Variants in MAPRE2 observed in about 807,000 individuals in gnomAD.
MAPRE2 encodes microtubule associated protein RP/EB family member 2, also known as microtubule-associated protein RP/EB family member 2.
In MAPRE2, 13 loss-of-function variants were observed where a neutral mutation model predicts 43.2. That is an observed-to-expected ratio of 0.30 (90% confidence interval 0.20 to 0.48). MAPRE2 has a LOEUF of 0.48. Ranked by LOEUF, MAPRE2 falls within the 20% of genes least tolerant of loss-of-function variation. MAPRE2 has a pLI of 0.99. For synonymous variants in MAPRE2, 135 were observed against 148.8 expected (o/e 0.91, Z 0.68); for missense variants, 161 against 400.2 (o/e 0.40, Z 5.10).
intron 4 of MAPRE2, among the ~76,000 whole-genome samples, chr18:35,104,363 T>C (rs75469935): frequency 0.045 from 6,867 of 152,066 alleles, 330 homozygotes; most frequent in East Asian, 0.22. Context: ...TGGAGGAAAA[T>C]AAAAACATTT....
At chr18:35,094,926 C>T (rs1301799341) in intron 2 of MAPRE2, among the ~76,000 whole-genome samples, 2 of 152,118 alleles carry the variant, frequency 1.3e-5, no homozygotes, top group East Asian at 3.8e-4. Flanking sequence ...GGCCTTCATC[C>T]TTATTGTTGT....
At chr18:35,093,056 AC>A (rs1908228994) in intron 2 of MAPRE2, among the ~76,000 whole-genome samples, 1 of 151,946 alleles carries the variant, frequency 6.6e-6, no homozygotes. Context: ...TTCTACAAAT[AC>A]AAAAATTACC....
At chr18:35,130,253 T>C (rs888558473) in intron 5 of MAPRE2, among the ~76,000 whole-genome samples, 10 of 152,296 alleles carry the variant, frequency 6.6e-5, no homozygotes, top group African/African-American at 2.4e-4. Context: ...TTGGTTTGTT[T>C]TAAAGCAGGA....
At chr18:35,003,891 TA>T (rs2150579874) in intron 1 of MAPRE2, among the ~76,000 whole-genome samples, 2 of 152,330 alleles carry the variant, frequency 1.3e-5, no homozygotes, top group South Asian at 4.1e-4. Context: ...TTCGTAAAAT[TA>T]AATTCTGCTG....
chr18:35,023,831 A>C (rs2097043434), intron 2 of MAPRE2, among the ~76,000 whole-genome samples: 1 of 152,104 alleles, frequency 6.6e-6, no homozygotes, highest in South Asian at 2.1e-4. Context: ...GATAATTCTT[A>C]ATTTTTTTAT....
At position 35,143,147 on chromosome 18, in the gene MAPRE2, C is replaced by T. The variant is rs1910743876; in HGVS notation, c.*2778C>T. On this transcript the variant is annotated 3_prime_UTR_variant, in exon 7 of 7. Transcript: ENST00000300249. Reference sequence around the variant, plus strand: ...AAATTCCAGAAGGGAACCAAGAACTCTTCCCTTCCCTGGTGAGTATTTCCA... The same window carrying T: ...AAATTCCAGAAGGGAACCAAGAACTTTTCCCTTCCCTGGTGAGTATTTCCA... 6.6e-6 allele frequency: 1 copy of T among 151,212 alleles called. No homozygotes were observed. Among genetic ancestry groups the T allele is most frequent in the African/African-American group, 2.4e-5 (1 of 41,216 alleles). The allele number at this position is 151,212 out of a possible 1,614,324, so 9.4% of individuals were successfully genotyped here. A position where few individuals can be genotyped will look rare whatever the true frequency, so the allele number is the denominator to read the frequency against.
chr18:35,038,866 T>C (rs2097052034), upstream of MAPRE2, among the ~76,000 whole-genome samples: 1 of 152,178 alleles, frequency 6.6e-6, no homozygotes, highest in Admixed American at 6.5e-5. Flanking sequence ...CCCTTTATAG[T>C]AGTGTGGCTC....
At chr18:34,981,309 CAG>C (rs1428764185) in intron 1 of MAPRE2, among the ~76,000 whole-genome samples, 1 of 151,106 alleles carries the variant, frequency 6.6e-6, no homozygotes, top group Non-Finnish European at 1.5e-5. Context: ...GGGGAGGCAA[CAG>C]AAGTTGCAGT....
intron 1 of MAPRE2, among the ~76,000 whole-genome samples, chr18:34,998,812 C>T (rs943641794): frequency 1.6e-4 from 18 of 115,510 alleles, no homozygotes; most frequent in Admixed American, 1.4e-3. Flanking sequence ...GACAGAGTCT[C>T]ACTCCGGACT....
chr18:35,017,024 G>T (rs1487154166), intron 2 of MAPRE2, among the ~76,000 whole-genome samples: 2 of 152,002 alleles, frequency 1.3e-5, no homozygotes, highest in African/African-American at 4.8e-5. Context: ...CATATGGCTA[G>T]CTAGCTATCT....
chr18:35,005,518 A>T, exon 2 of MAPRE2: 1 of 1,543,956 alleles, frequency 6.5e-7, no homozygotes, highest in Non-Finnish European at 8.8e-7. Context: ...GGAACAGTTC[A>T]TTTCAACAGC....
intron 2 of MAPRE2, among the ~76,000 whole-genome samples, chr18:35,017,304 A>G (rs1248281381): frequency 7.9e-6 from 1 of 125,900 alleles, no homozygotes; most frequent in Non-Finnish European, 1.6e-5. Context: ...TTTTGGTTCC[A>G]TATGGAATTT....
At chr18:35,011,523 A>G (rs2097034658) in intron 2 of MAPRE2, among the ~76,000 whole-genome samples, 1 of 152,232 alleles carries the variant, frequency 6.6e-6, no homozygotes, top group Admixed American at 6.5e-5. Flanking sequence ...TCTTGGTTGT[A>G]TCATAAAAGA....
At chr18:35,035,357 G>T (rs922480260) in intron 2 of MAPRE2, among the ~76,000 whole-genome samples, 1 of 149,742 alleles carries the variant, frequency 6.7e-6, no homozygotes, top group African/African-American at 2.5e-5. Flanking sequence ...CTCTGGGGAC[G>T]GTTGTGGGGT....
chr18:35,093,447 C>A (rs576820751), intron 2 of MAPRE2, among the ~76,000 whole-genome samples: 11 of 152,160 alleles, frequency 7.2e-5, no homozygotes, highest in Non-Finnish European at 7.4e-5. Context: ...AATCAGTATG[C>A]CCAAGAGATA....
intron 5 of MAPRE2, 189 bp from the exon 6 acceptor site, chr18:35,131,843 G>C: frequency 1.7e-6 from 1 of 588,172 alleles, no homozygotes; most frequent in South Asian, 2.1e-5. Flanking sequence ...GAGTGCTGTG[G>C]AGAATTGGAC....
chr18:35,078,314 T>A (rs1019457949), intron 2 of MAPRE2, among the ~76,000 whole-genome samples: 1 of 152,202 alleles, frequency 6.6e-6, no homozygotes, highest in East Asian at 1.9e-4. Flanking sequence ...GTTTTGCATC[T>A]GAAACAGTCC....
At chr18:35,092,632 A>G (rs1694734408) in intron 2 of MAPRE2, among the ~76,000 whole-genome samples, 1 of 152,210 alleles carries the variant, frequency 6.6e-6, no homozygotes. Flanking sequence ...CGAACAAAAA[A>G]ACTCCTTCAC....
intron 1 of MAPRE2, among the ~76,000 whole-genome samples, chr18:35,057,507 C>CGCGTGTGTGTGTGTGT (rs1555914293): frequency 6.8e-4 from 101 of 149,406 alleles, no homozygotes; most frequent in Non-Finnish European, 1.2e-3. Flanking sequence ...GGAGTGTGTG[C>CGCGTGTGTGTGTGTGT]GTGTGTGTGT....
Sources: allele counts gnomAD v4.1 joint callset (sites outside exome capture counted in the v4.1 genomes callset), GRCh38; gene constraint gnomAD v4.1.1; transcripts MANE v1.5; gene names NCBI Gene and HGNC (gene_info 2026-07-23, HGNC 2026-07-21).